Variants in CERS6 observed in about 807,000 individuals in gnomAD.
CERS6 encodes the protein LAG1 homolog, ceramide synthase 6.
CERS6 carries 26 observed loss-of-function variants against 56.8 expected under a neutral mutation model. The observed-to-expected ratio is 0.46, with a 90% CI of 0.34 to 0.63. CERS6 has a LOEUF of 0.63. CERS6 is among the 30% of genes least tolerant of loss of function. The pLI, the probability that CERS6 is intolerant of heterozygous loss-of-function variation, is 0.01. For synonymous variants in CERS6, 164 were observed against 173.3 expected, an observed-to-expected ratio of 0.95 and a Z score of 0.42; for missense variants, 415 against 467.5, an observed-to-expected ratio of 0.89 and a Z score of 1.04.
At chr2:168,492,971 C>A (rs1210572680) in intron 1 of CERS6, among the ~76,000 whole-genome samples, 3 of 151,976 alleles carry the variant, frequency 2.0e-5, no homozygotes, top group Non-Finnish European at 2.9e-5. Flanking sequence ...TCTTAATCTT[C>A]TTCTTTTTAC....
chr2:168,625,248 A>T (rs1684564387), intron 3 of CERS6, among the ~76,000 whole-genome samples: 1 of 152,186 alleles, frequency 6.6e-6, no homozygotes. Context: ...TTTTATACAC[A>T]ATAACAGTTT....
intron 1 of CERS6, among the ~76,000 whole-genome samples, chr2:168,508,208 A>G (rs1694715624): frequency 6.6e-6 from 1 of 152,150 alleles, no homozygotes; most frequent in Non-Finnish European, 1.5e-5. Flanking sequence ...GGGTTGTCTA[A>G]CTCAGTGTTT....
chr2:168,550,008 T>TA (rs1695537918), intron 2 of CERS6, among the ~76,000 whole-genome samples: 1 of 152,102 alleles, frequency 6.6e-6, no homozygotes, highest in Admixed American at 6.5e-5. Context: ...GAGGTACCCT[T>TA]AAAATCTCTG....
chr2:168,747,127 G>A (rs829961), intron 8 of CERS6, among the ~76,000 whole-genome samples: 151,526 of 152,062 alleles, frequency 1, 75,496 homozygotes, highest in Middle Eastern at 1. Context: ...AAAAATAAAA[G>A]TTAAAAAAAT....
chr2:168,562,579 GAT>G (rs1455133898), intron 3 of CERS6, among the ~76,000 whole-genome samples: 2 of 152,244 alleles, frequency 1.3e-5, no homozygotes, highest in Non-Finnish European at 2.9e-5. Context: ...ACGTAAGCCA[GAT>G]TTATGTTTCT....
At chr2:168,471,539 G>C (rs1448136849) in intron 1 of CERS6, among the ~76,000 whole-genome samples, 1 of 152,106 alleles carries the variant, frequency 6.6e-6, no homozygotes, top group East Asian at 1.9e-4. Context: ...TGAGTTATTT[G>C]GTTCCACAAT....
chr2:168,504,861 A>G (rs1345045753), intron 1 of CERS6, among the ~76,000 whole-genome samples: 2 of 152,228 alleles, frequency 1.3e-5, no homozygotes, highest in East Asian at 3.9e-4. Flanking sequence ...TACATTAGGT[A>G]GAGGTTTGTT....
chr2:168,622,704 A>G (rs916301716), intron 3 of CERS6, among the ~76,000 whole-genome samples: 2 of 152,224 alleles, frequency 1.3e-5, no homozygotes, highest in African/African-American at 4.8e-5. Context: ...CCTTTCAAAC[A>G]GAAAGAGCTG....
rs77963415 is a variant in CERS6, at chr2:168,456,788, G to C, written c.170+170G>C. Reference sequence around the variant, plus strand: ...CCCCCCTGCCCCGCTGGCTTTCTGGGAGCCAGAAAGGGTCTGGCTTGCCAC... The same window carrying C: ...CCCCCCTGCCCCGCTGGCTTTCTGGCAGCCAGAAAGGGTCTGGCTTGCCAC... On this transcript the variant is annotated intron_variant, in intron 1 of 9. Transcript: ENST00000305747. This position sits in a 1 kb window ranked among gnomAD's most constrained non-coding sequence, Gnocchi z 4.1. 6.6e-6 allele frequency among the ~76,000 whole-genome samples: 1 copy of C among 152,172 alleles called. No individual in the cohort carries two copies.
chr2:168,597,180 T>C (rs1311362761), intron 3 of CERS6, among the ~76,000 whole-genome samples: 1 of 152,146 alleles, frequency 6.6e-6, no homozygotes, highest in Non-Finnish European at 1.5e-5. Context: ...GAACAAGACA[T>C]AGGGTTTTAT....
chr2:168,636,959 C>T (rs1462796152), intron 4 of CERS6, among the ~76,000 whole-genome samples: 1 of 152,118 alleles, frequency 6.6e-6, no homozygotes, highest in African/African-American at 2.4e-5. Context: ...ACGCAAGCCT[C>T]TTAATCTCTC....
At chr2:168,714,965 C>T (rs369910905) in intron 6 of CERS6, 36 bp from the exon 7 acceptor site, 26 of 1,576,690 alleles carry the variant, frequency 1.6e-5, no homozygotes, top group Non-Finnish European at 1.9e-5. Context: ...TGTGATGTTG[C>T]TAAACTCTAA....
intron 8 of CERS6, among the ~76,000 whole-genome samples, chr2:168,756,735 G>A (rs1433822390): frequency 2.0e-5 from 3 of 152,154 alleles, no homozygotes; most frequent in Non-Finnish European, 2.9e-5. Context: ...GGTGAAGAAC[G>A]GAGAAAGGGA....
At chr2:168,642,466 C>G (rs1276993322) in intron 4 of CERS6, among the ~76,000 whole-genome samples, 1 of 152,138 alleles carries the variant, frequency 6.6e-6, no homozygotes, top group East Asian at 1.9e-4. Flanking sequence ...TACACATATA[C>G]ATGTGTGATC....
chr2:168,639,687 G>A (rs889199406), intron 4 of CERS6, among the ~76,000 whole-genome samples: 18 of 151,998 alleles, frequency 1.2e-4, no homozygotes, highest in African/African-American at 3.9e-4. Context: ...ATGGGGGTGG[G>A]GTGCTTAGGA....
chr2:168,612,449 G>C (rs1412966452), intron 3 of CERS6, among the ~76,000 whole-genome samples: 1 of 152,254 alleles, frequency 6.6e-6, no homozygotes, highest in African/African-American at 2.4e-5. Context: ...ATCATGAAAG[G>C]TTGAGATGGA....
intron 1 of CERS6, among the ~76,000 whole-genome samples, chr2:168,462,192 A>T (rs967320979): frequency 3.3e-5 from 5 of 151,912 alleles, no homozygotes; most frequent in African/African-American, 1.2e-4. Flanking sequence ...AAATTTTATT[A>T]TTTTTTTTCC....
chr2:168,657,477 C>T (rs1030801221), intron 4 of CERS6, among the ~76,000 whole-genome samples: 29 of 152,352 alleles, frequency 1.9e-4, no homozygotes, highest in South Asian at 1.7e-3. Flanking sequence ...GACTGGGCGC[C>T]GTGGAGCAGG....
chr2:168,705,998 A>G (rs1686931019), intron 6 of CERS6, among the ~76,000 whole-genome samples: 1 of 152,214 alleles, frequency 6.6e-6, no homozygotes, highest in Non-Finnish European at 1.5e-5. Context: ...AACAGAACCC[A>G]GAAGGTGTGT....
Sources: allele counts gnomAD v4.1 joint callset (sites outside exome capture counted in the v4.1 genomes callset), GRCh38; gene constraint gnomAD v4.1.1; non-coding constraint Gnocchi (gnomAD v3.1); transcripts MANE v1.5; gene names NCBI Gene and HGNC (gene_info 2026-07-23, HGNC 2026-07-21).